Variants in ERC2 observed in about 807,000 individuals in gnomAD.
ERC2 encodes ERC protein 2.
Under a neutral mutation model 114.8 loss-of-function variants are expected in ERC2, and 42 were observed. The observed-to-expected ratio is 0.37, with a 90% CI of 0.29 to 0.47. The LOEUF (loss-of-function observed/expected upper bound fraction) is 0.47. Among genes scored for constraint, ERC2 ranks in the 20% least tolerant of loss-of-function variants. The pLI, the probability that ERC2 is intolerant of heterozygous loss-of-function variation, is 0.99. For missense variants in ERC2, 939 were observed against 1,150.7 expected, an observed-to-expected ratio of 0.82 and a Z score of 2.66; for synonymous variants, 454 against 425.5, an observed-to-expected ratio of 1.07 and a Z score of -0.82.
intron 4 of ERC2, among the ~76,000 whole-genome samples, chr3:56,150,372 T>C (rs1324653294): frequency 6.6e-6 from 1 of 152,146 alleles, no homozygotes; most frequent in Non-Finnish European, 1.5e-5. Context: ...GTAATTATCA[T>C]TGTTATTATC....
chr3:55,804,318 G>A (rs1435514177), intron 14 of ERC2, among the ~76,000 whole-genome samples: 1 of 152,076 alleles, frequency 6.6e-6, no homozygotes, highest in South Asian at 2.1e-4. Context: ...AAGCTCCCAT[G>A]TACCCATTAA....
At chr3:55,584,946 C>T (rs977183592) in intron 17 of ERC2, among the ~76,000 whole-genome samples, 2 of 152,170 alleles carry the variant, frequency 1.3e-5, no homozygotes, top group African/African-American at 2.4e-5. Context: ...ACCAGACCTG[C>T]CTGCAAAATA....
chr3:55,631,139 C>T (rs940038087), intron 17 of ERC2, among the ~76,000 whole-genome samples: 2 of 151,434 alleles, frequency 1.3e-5, no homozygotes, highest in South Asian at 2.1e-4. Context: ...CACCACATTG[C>T]GAGTAAATTA....
chr3:56,322,505 C>T (rs551243142), intron 2 of ERC2, among the ~76,000 whole-genome samples: 2 of 152,302 alleles, frequency 1.3e-5, no homozygotes, highest in South Asian at 4.1e-4. Flanking sequence ...CACTTTTGTA[C>T]TCTTGAGACT....
chr3:56,444,694 T>C (rs775404533), intron 1 of ERC2, among the ~76,000 whole-genome samples: 2 of 152,184 alleles, frequency 1.3e-5, no homozygotes, highest in Admixed American at 6.5e-5. Flanking sequence ...CAGTCTATTT[T>C]AAGACAAAAG....
intron 17 of ERC2, among the ~76,000 whole-genome samples, chr3:55,625,682 C>T (rs1164030262): frequency 6.6e-6 from 1 of 151,870 alleles, no homozygotes; most frequent in Non-Finnish European, 1.5e-5. Flanking sequence ...ACCTGGGAGG[C>T]GGAGTTTGCA....
In ERC2 at chr3:56,171,479, T is replaced by C. The variant is rs377084539; in HGVS notation, c.1149+1967A>G. 4.3e-4 allele frequency among the ~76,000 whole-genome samples: 66 copies of C among 152,322 alleles called. No individual in the cohort carries two copies. The South Asian group carries it at 8.9e-3, about 21-fold the overall frequency. Reference sequence around the variant, plus strand: ...ATCCGTTTCCGTTTCCTGAAAATTATATTGCTCTTCATTTGTCCTAAAAAT... The same window carrying C: ...ATCCGTTTCCGTTTCCTGAAAATTACATTGCTCTTCATTTGTCCTAAAAAT... On this transcript the variant is annotated intron_variant, in intron 4 of 17. Coordinates refer to ENST00000288221, the MANE Select transcript of ERC2 (RefSeq NM_015576.3).
At chr3:55,775,019 T>C (rs1317859669) in intron 14 of ERC2, among the ~76,000 whole-genome samples, 1 of 152,124 alleles carries the variant, frequency 6.6e-6, no homozygotes, top group African/African-American at 2.4e-5. Context: ...TCAATGGACA[T>C]TTTAGGAGAG....
intron 6 of ERC2, among the ~76,000 whole-genome samples, chr3:56,138,758 T>C (rs1392275219): frequency 6.6e-6 from 1 of 152,240 alleles, no homozygotes; most frequent in East Asian, 1.9e-4. Flanking sequence ...CCCTATTGCC[T>C]GCTGCATTTG....
chr3:55,699,619 C>G (rs2063120060), intron 15 of ERC2, 107 bp from the exon 16 acceptor site: 2 of 1,235,702 alleles, frequency 1.6e-6, no homozygotes, highest in South Asian at 4.3e-5. Flanking sequence ...GTTCCTAATT[C>G]AGGAATTTTC....
At chr3:55,944,054 G>A (rs1430208432) in intron 13 of ERC2, among the ~76,000 whole-genome samples, 1 of 152,196 alleles carries the variant, frequency 6.6e-6, no homozygotes, top group African/African-American at 2.4e-5. Context: ...AAAAAATAGT[G>A]TGAGTTTGCT....
chr3:55,720,902 T>C (rs931595932), intron 15 of ERC2, among the ~76,000 whole-genome samples: 2 of 152,214 alleles, frequency 1.3e-5, no homozygotes, highest in Non-Finnish European at 2.9e-5. Context: ...TTAGGGGTTT[T>C]AAAGACCTTG....
At chr3:55,700,321 T>C (rs1384326622) in intron 15 of ERC2, among the ~76,000 whole-genome samples, 1 of 152,096 alleles carries the variant, frequency 6.6e-6, no homozygotes, top group African/African-American at 2.4e-5. Context: ...GCAGACAAAA[T>C]TATCCAGCTC....
chr3:56,017,557 C>T (rs80033896), intron 8 of ERC2, among the ~76,000 whole-genome samples: 1,659 of 152,166 alleles, frequency 0.011, 5 homozygotes, highest in African/African-American at 0.021. Context: ...CTTGTACTTG[C>T]TCTCCCCTCT....
At chr3:56,291,686 G>A (rs2055095870) in intron 3 of ERC2, among the ~76,000 whole-genome samples, 1 of 152,092 alleles carries the variant, frequency 6.6e-6, no homozygotes. Context: ...GGAACACACT[G>A]AACCTAAAAC....
chr3:56,308,043 T>C (rs1272358211), intron 2 of ERC2, among the ~76,000 whole-genome samples: 1 of 152,084 alleles, frequency 6.6e-6, no homozygotes, highest in Non-Finnish European at 1.5e-5. Context: ...TGCAGAGAGT[T>C]TCCTTAACCT....
chr3:56,278,732 T>C (rs1019700699), intron 3 of ERC2, among the ~76,000 whole-genome samples: 3 of 152,142 alleles, frequency 2.0e-5, no homozygotes, highest in African/African-American at 7.2e-5. Flanking sequence ...CTTCCACTCC[T>C]GGTGGAAGAG....
chr3:55,670,265 T>G (rs571114070), intron 17 of ERC2, among the ~76,000 whole-genome samples: 1 of 152,100 alleles, frequency 6.6e-6, no homozygotes, highest in Non-Finnish European at 1.5e-5. Context: ...GACTGGACAT[T>G]CTACTCATGA....
intron 14 of ERC2, among the ~76,000 whole-genome samples, chr3:55,819,635 A>C (rs2149149362): frequency 6.6e-6 from 1 of 152,354 alleles, no homozygotes; most frequent in East Asian, 1.9e-4. Context: ...ACACACAGAG[A>C]GAAAAGAAAG....
Sources: allele counts gnomAD v4.1 joint callset (sites outside exome capture counted in the v4.1 genomes callset), GRCh38; gene constraint gnomAD v4.1.1; transcripts MANE v1.5; gene names NCBI Gene and HGNC (gene_info 2026-07-23, HGNC 2026-07-21).